The following CNNM2 variants were observed in gnomAD, a reference collection of about 807,000 sequenced individuals.
CNNM2 encodes the protein cyclin and CBS domain divalent metal cation transport mediator 2.
A neutral mutation model predicts 66.9 loss-of-function variants in CNNM2; 12 were observed. The observed-to-expected ratio is 0.18, with a 90% CI of 0.11 to 0.29. CNNM2 has a LOEUF of 0.29. Ranked by LOEUF, CNNM2 falls within the 10% of genes least tolerant of loss-of-function variation. The probability of loss-of-function intolerance (pLI) is 1.00; values close to 1 mark genes in which losing one functional copy is unlikely to be tolerated. For missense variants in CNNM2, 705 were observed against 1,167.7 expected (o/e 0.60, Z 5.77); for synonymous variants, 557 against 501.8 (o/e 1.11, Z -1.47).
At chr10:102,944,493 CAGAAAAG>C (rs1846538887) in intron 1 of CNNM2, among the ~76,000 whole-genome samples, 1 of 152,062 alleles carries the variant, frequency 6.6e-6, no homozygotes, top group Non-Finnish European at 1.5e-5. Flanking sequence ...AATTCCAGCA[CAGAAAAG>C]TTTAATTGGT....
intron 1 of CNNM2, among the ~76,000 whole-genome samples, chr10:103,019,530 T>C (rs2064529353): frequency 6.6e-6 from 1 of 152,072 alleles, no homozygotes; most frequent in Non-Finnish European, 1.5e-5. Context: ...TTTTTCATTT[T>C]TAAAGATGGG....
rs779852835 is a variant in CNNM2 at position 103,071,887 on chromosome 10, G to GC, written c.2233+54dup. ...CGTAATTCTCCTGATTGCCTTCCTTGCCCCCCATCACGCCTGGCTGGCTGG... is the reference window on the plus strand; with the variant it reads ...CGTAATTCTCCTGATTGCCTTCCTTGCCCCCCCATCACGCCTGGCTGGCTGG... On this transcript the variant is annotated intron_variant, in intron 6 of 7. Transcript: ENST00000369878. The GC allele has an allele frequency of 1.5e-4, 233 of 1,556,050 alleles. 1 individual carries two copies. Among genetic ancestry groups the GC allele is most frequent in the Non-Finnish European group, 1.9e-4 (218 of 1,127,260 alleles).
At chr10:102,973,150 A>G (rs564009013) in intron 1 of CNNM2, among the ~76,000 whole-genome samples, 3 of 150,078 alleles carry the variant, frequency 2.0e-5, no homozygotes, top group Non-Finnish European at 4.4e-5. Context: ...TTTTTTTTCC[A>G]TACTGGCCTT....
At chr10:103,010,144 A>T (rs2064312689) in intron 1 of CNNM2, among the ~76,000 whole-genome samples, 1 of 152,232 alleles carries the variant, frequency 6.6e-6, no homozygotes, top group Admixed American at 6.5e-5. Flanking sequence ...GAACAATTTA[A>T]AACATTTCAA....
At chr10:102,943,316 T>A (rs1008310766) in intron 1 of CNNM2, among the ~76,000 whole-genome samples, 1 of 152,030 alleles carries the variant, frequency 6.6e-6, no homozygotes, top group Non-Finnish European at 1.5e-5. Context: ...TAGTCCCAGC[T>A]CCTTGGGAGG....
chr10:102,932,482 A>G (rs562877739), intron 1 of CNNM2, among the ~76,000 whole-genome samples: 1 of 152,164 alleles, frequency 6.6e-6, no homozygotes, highest in African/African-American at 2.4e-5. Context: ...CATTTAAGTC[A>G]TTAATCCATT....
intron 1 of CNNM2, among the ~76,000 whole-genome samples, chr10:102,922,204 G>A (rs555070002): frequency 2.6e-4 from 40 of 152,298 alleles, no homozygotes; most frequent in African/African-American, 6.3e-4. Context: ...TGGCATATTC[G>A]GAAGAGCAGG....
chr10:103,065,675 C>T, intron 4 of CNNM2, among the ~76,000 whole-genome samples: 1 of 152,162 alleles, frequency 6.6e-6, no homozygotes, highest in East Asian at 1.9e-4. Context: ...CATGAGGCTC[C>T]ACTGCATTTG....
At chr10:103,008,975 T>C (rs2064283005) in intron 1 of CNNM2, among the ~76,000 whole-genome samples, 1 of 151,520 alleles carries the variant, frequency 6.6e-6, no homozygotes, top group African/African-American at 2.4e-5. Flanking sequence ...ACTTTGAGAG[T>C]TCTTAAAAAT....
chr10:102,926,343 G>C (rs1845858633), intron 1 of CNNM2, among the ~76,000 whole-genome samples: 1 of 152,216 alleles, frequency 6.6e-6, no homozygotes, highest in African/African-American at 2.4e-5. Flanking sequence ...CTAAGTAGGA[G>C]CTGGATGAAG....
At chr10:103,037,278 T>A (rs1419488083) in intron 1 of CNNM2, among the ~76,000 whole-genome samples, 1 of 148,288 alleles carries the variant, frequency 6.7e-6, no homozygotes, top group Non-Finnish European at 1.5e-5. Flanking sequence ...ATATATATAT[T>A]TTATTTTTAT....
rs774624368 is a variant in CNNM2 at position 102,965,773 on chromosome 10, AAGC to A, written c.1621+45675_1621+45677del. ...TTTGTCCTACCATCTCTGAAAATAA[AAGC>A]AGATAATTTTCCTAAGTCACTTATT... On this transcript the variant is annotated intron_variant, in intron 1 of 7. Coordinates refer to ENST00000369878, the MANE Select transcript of CNNM2 (RefSeq NM_017649.5). Among the ~76,000 whole-genome samples, 8 of 152,226 alleles carry A rather than the reference AAGC, an allele frequency of 5.3e-5. No homozygotes were observed. In the East Asian group the frequency reaches 1.2e-3, roughly 22 times the overall value.
intron 1 of CNNM2, among the ~76,000 whole-genome samples, chr10:103,022,257 T>G (rs1356083477): frequency 6.6e-6 from 1 of 152,248 alleles, no homozygotes; most frequent in African/African-American, 2.4e-5. Flanking sequence ...CTTAGTAAGT[T>G]AGTCATTATT....
intron 1 of CNNM2, among the ~76,000 whole-genome samples, chr10:102,979,478 A>G (rs1266868107): frequency 6.6e-6 from 1 of 152,210 alleles, no homozygotes; most frequent in Non-Finnish European, 1.5e-5. Flanking sequence ...GGTCACTAAC[A>G]TATGTAAAAT....
intron 1 of CNNM2, among the ~76,000 whole-genome samples, chr10:103,014,271 GC>G (rs2064399297): frequency 2.0e-5 from 3 of 152,324 alleles, no homozygotes; most frequent in Admixed American, 2.0e-4. Flanking sequence ...AGTATGCATA[GC>G]CTTGGCAGGT....
intron 1 of CNNM2, among the ~76,000 whole-genome samples, chr10:103,009,588 G>A (rs1438675422): frequency 6.7e-6 from 1 of 150,320 alleles, no homozygotes; most frequent in Non-Finnish European, 1.5e-5. Context: ...GTCCTTGGAA[G>A]GCTGAGGCAG....
chr10:103,066,076 T>A (rs1254090963), intron 4 of CNNM2, among the ~76,000 whole-genome samples: 1 of 152,182 alleles, frequency 6.6e-6, no homozygotes, highest in Non-Finnish European at 1.5e-5. Context: ...CTGTGGTCAG[T>A]GATTGCTCCC....
At chr10:102,976,317 T>A (rs1247439005) in intron 1 of CNNM2, among the ~76,000 whole-genome samples, 1 of 152,090 alleles carries the variant, frequency 6.6e-6, no homozygotes, top group African/African-American at 2.4e-5. Context: ...AGGCAGATTC[T>A]GAATTATCCT....
Position 103,068,863 on chromosome 10 carries a change from G to A in CNNM2, c.2167+141G>A. On this transcript the variant is annotated intron_variant, in intron 5 of 7. Coordinates refer to ENST00000369878, the MANE Select transcript of CNNM2 (RefSeq NM_017649.5). ...TTTTTTTTTGAAGTATATCATATAT[G>A]CAGAAAATCTGCACAAATCCTAAGT... 4.8e-6 allele frequency: 3 copies of A among 629,372 alleles called. No homozygotes were observed. The South Asian group carries it at 6.3e-5, about 13-fold the overall frequency. 39.0% of individuals were successfully genotyped at this position (629,372 alleles called of 1,614,324 possible).
Sources: gnomAD v4.1 joint callset for allele counts (sites outside exome capture counted in the v4.1 genomes callset) on GRCh38, gnomAD v4.1.1 for gene constraint, MANE v1.5 for transcripts, NCBI Gene and HGNC (gene_info 2026-07-23, HGNC 2026-07-21) for gene names.